Variants in DNMT3B observed in about 807,000 individuals in gnomAD.
The protein encoded by DNMT3B is DNA methyltransferase 3 beta.
In DNMT3B, 37 loss-of-function variants were observed where a neutral mutation model predicts 120.2. The observed-to-expected ratio is 0.31, with a 90% confidence interval of 0.24 to 0.40. DNMT3B has a LOEUF of 0.40. DNMT3B is among the 10% of genes least tolerant of loss of function. The pLI is 1.00. For missense variants in DNMT3B, 878 were observed against 1,137.3 expected (o/e 0.77, Z 3.28); for synonymous variants, 412 against 442.8 (o/e 0.93, Z 0.87).
At chr20:32,796,738 G>C in intron 12 of DNMT3B, 52 bp from the exon 13 acceptor site, 1 of 1,591,178 alleles carries the variant, frequency 6.3e-7, no homozygotes, top group Non-Finnish European at 8.6e-7. Flanking sequence ...GGCTTTAGCA[G>C]CTGGTGTCAG....
intron 1 of DNMT3B, among the ~76,000 whole-genome samples, chr20:32,777,263 A>G (rs1988112818): frequency 6.6e-6 from 1 of 151,812 alleles, no homozygotes; most frequent in Non-Finnish European, 1.5e-5. Flanking sequence ...GAATGTTGAG[A>G]TATGGGTTTT....
intron 17 of DNMT3B, 142 bp from the exon 18 acceptor site, chr20:32,800,693 A>G: frequency 4.4e-6 from 4 of 916,450 alleles, no homozygotes; most frequent in Non-Finnish European, 7.2e-6. Context: ...TCCTGACCTC[A>G]GGTAATCCAC....
In DNMT3B at chr20:32,780,122, C is replaced by T. The variant is rs764624409; in HGVS notation, c.-6-196C>T. 1.1e-5 allele frequency: 17 copies of T among 1,613,766 alleles called. No homozygotes were observed. In the South Asian group the frequency reaches 1.9e-4, roughly 18 times the overall value. Reference sequence around the variant, plus strand: ...TTCGGGACAGCCTGTCCACATGGAACCAAGTCCTGAGCCTCCAAGCTTGGT... The same window carrying T: ...TTCGGGACAGCCTGTCCACATGGAATCAAGTCCTGAGCCTCCAAGCTTGGT... On this transcript the variant is annotated intron_variant, in intron 1 of 22. Coordinates refer to ENST00000328111, the MANE Select transcript of DNMT3B (RefSeq NM_006892.4).
intron 4 of DNMT3B, among the ~76,000 whole-genome samples, chr20:32,785,478 T>A (rs762764776): frequency 2.0e-5 from 3 of 152,212 alleles, no homozygotes; most frequent in African/African-American, 7.2e-5. Context: ...CCACCATTTC[T>A]GTGGGTGGAT....
intron 1 of DNMT3B, among the ~76,000 whole-genome samples, chr20:32,764,117 G>A (rs1038059491): frequency 2.6e-5 from 4 of 152,056 alleles, no homozygotes; most frequent in African/African-American, 4.8e-5. Context: ...TAGCACACGG[G>A]CTAAGCAAGC....
At chr20:32,802,612 GGTTGATCTCT>G in intron 20 of DNMT3B, 142 bp downstream of exon 20, 1 of 849,968 alleles carries the variant, frequency 1.2e-6, no homozygotes, top group Non-Finnish European at 2.0e-6. Context: ...TGGTCGTGCG[GGTTGATCTCT>G]GTTAAGATGT....
chr20:32,778,436 C>T (rs1988182824), intron 1 of DNMT3B, among the ~76,000 whole-genome samples: 1 of 152,200 alleles, frequency 6.6e-6, no homozygotes, highest in Admixed American at 6.5e-5. Context: ...AGCCAGCTCC[C>T]ACTTCCAACA....
intron 1 of DNMT3B, among the ~76,000 whole-genome samples, chr20:32,766,606 A>C (rs777609887): frequency 7.9e-5 from 12 of 152,050 alleles, no homozygotes; most frequent in Non-Finnish European, 1.6e-4. Context: ...TTATTTATTT[A>C]TATTTTGAGA....
rs555582979 is a variant in DNMT3B, at chr20:32,798,552, T to C, written c.1583T>C (p.Leu528Pro). Residue 528 changes from leucine (L) to proline (P), a missense_variant, in exon 15 of 23, where the codon CTC becomes CCC. Leu to Pro is a moderately conservative substitution (Grantham distance 98, BLOSUM62 -3). Coordinates refer to ENST00000328111, the MANE Select transcript of DNMT3B (RefSeq NM_006892.4). The stretch of plus-strand genomic sequence containing the variant: ...GAGCCCTGGAGCTGTTACATGTGTC[T>C]CCCGCAGCGCTGTCATGGCGTCCTG... ...LQEPWSCYMC[L>P]PQRCHGVLRR... 1 of 1,614,206 alleles carries C rather than the reference T, an allele frequency of 6.2e-7. No individual in the cohort carries two copies. Among genetic ancestry groups the C allele is most frequent in the East Asian group, 2.2e-5 (1 of 44,878 alleles).
In DNMT3B at chr20:32,806,414, A is replaced by C. The variant is rs1981988209; in HGVS notation, c.2420+87A>C. ...GGGCAGGTGCTTACCTTCATTCTTG[A>C]TGGCCTCACTGCCCTTTGGTGTTAC... On this transcript the variant is annotated intron_variant, in intron 22 of 22. Transcript: ENST00000328111. 17 of 1,225,404 alleles carry C rather than the reference A, an allele frequency of 1.4e-5. No homozygotes were observed. The Admixed American group carries it at 2.9e-4, about 21-fold the overall frequency. 75.9% of individuals were successfully genotyped at this position (1,225,404 alleles called of 1,614,324 possible).
At chr20:32,768,374 T>G (rs2094182531) in intron 1 of DNMT3B, among the ~76,000 whole-genome samples, 3 of 152,106 alleles carry the variant, frequency 2.0e-5, no homozygotes, top group Admixed American at 2.0e-4. Context: ...GTATTTTTAG[T>G]AGAGATGGTG....
intron 4 of DNMT3B, among the ~76,000 whole-genome samples, chr20:32,785,171 C>G (rs1979123562): frequency 6.6e-6 from 1 of 151,998 alleles, no homozygotes; most frequent in Non-Finnish European, 1.5e-5. Context: ...TCCCAAGTAG[C>G]TGGGACTACA....
chr20:32,780,061 C>T (rs898768830), intron 1 of DNMT3B: 15 of 1,602,574 alleles, frequency 9.4e-6, no homozygotes, highest in Non-Finnish European at 1.0e-5. Context: ...CCAGCCCTGG[C>T]CTCCCCACTC....
intron 7 of DNMT3B, 69 bp downstream of exon 7, chr20:32,789,081 A>G (rs1382553081): frequency 5.6e-6 from 9 of 1,600,126 alleles, no homozygotes; most frequent in Non-Finnish European, 6.8e-6. Context: ...CTTTGAAGAC[A>G]AAGGCCTGGG....
At chr20:32,801,467 G>A (rs1035502717) in intron 19 of DNMT3B, 41 bp downstream of exon 19, 9 of 1,612,656 alleles carry the variant, frequency 5.6e-6, no homozygotes, top group Non-Finnish European at 7.6e-6. Context: ...GACAGCCAGG[G>A]CAGGGAAAGC....
At chr20:32,782,738 CAG>C (rs11469084) in intron 3 of DNMT3B, among the ~76,000 whole-genome samples, 71,686 of 151,706 alleles carry the variant, frequency 0.47, 18,000 homozygotes, top group East Asian at 0.92. Flanking sequence ...TAGACAAAAA[CAG>C]AGCACATATA....
At position 32,788,945 on chromosome 20, in the gene DNMT3B, C is replaced by T; in HGVS notation, c.746C>T (p.Thr249Ile). ...WPAMVVSWKA[T>I]SKRQAMSGMR... ...GCCATGGTGGTGTCTTGGAAGGCCACCTCCAAGCGACAGGCTATGTCTGGC... is the reference window on the plus strand; with the variant it reads ...GCCATGGTGGTGTCTTGGAAGGCCATCTCCAAGCGACAGGCTATGTCTGGC... Residue 249 changes from threonine (T) to isoleucine (I), a missense_variant, in exon 7 of 23, where the codon ACC becomes ATC. Physicochemically the swap from Thr to Ile is moderately conservative, Grantham distance 89 (BLOSUM62 -1). Around this residue, in one of 4 missense-constraint regions of DNMT3B, gnomAD observed 50 missense variants for 89.7 expected, o/e 0.56. Coordinates refer to ENST00000328111, the MANE Select transcript of DNMT3B (RefSeq NM_006892.4). The T allele has an allele frequency of 6.2e-7, 1 of 1,614,080 alleles. No homozygotes were observed. The highest frequency in any genetic ancestry group is 8.5e-7 in the Non-Finnish European group (1 of 1,180,028).
chr20:32,786,130 C>T (rs141127718), intron 4 of DNMT3B, among the ~76,000 whole-genome samples: 269 of 152,294 alleles, frequency 1.8e-3, no homozygotes, highest in African/African-American at 5.9e-3. Flanking sequence ...GTGATCTGCC[C>T]GCCTTGGCCT....
chr20:32,785,101 A>T (rs753057665), intron 4 of DNMT3B, among the ~76,000 whole-genome samples: 1 of 149,978 alleles, frequency 6.7e-6, no homozygotes, highest in Non-Finnish European at 1.5e-5. Flanking sequence ...CAATGGCGTG[A>T]TCTTAGCTCA....
Sources: gnomAD v4.1 joint callset for allele counts (sites outside exome capture counted in the v4.1 genomes callset) on GRCh38, gnomAD v4.1.1 for gene constraint, gnomAD v4.1.1 regional missense constraint, MANE v1.5 for transcripts, NCBI Gene and HGNC (gene_info 2026-07-23, HGNC 2026-07-21) for gene names.